The following NRG1 variants were observed in gnomAD, a reference collection of about 807,000 sequenced individuals.
NRG1 encodes the protein pro-neuregulin-1, membrane-bound isoform.
Under a neutral mutation model 63.8 loss-of-function variants are expected in NRG1, and 18 were observed. The ratio of observed to expected loss-of-function variants is 0.28; its 90% confidence interval spans 0.19 to 0.42. The LOEUF is 0.42. NRG1 is among the 10% of genes least tolerant of loss of function. The pLI, the probability that NRG1 is intolerant of heterozygous loss-of-function variation, is 1.00. For synonymous variants in NRG1, 302 were observed against 301.3 expected (o/e 1.00, Z -0.02); for missense variants, 762 against 814.7 (o/e 0.94, Z 0.79).
intron 1 of NRG1, among the ~76,000 whole-genome samples, chr8:31,894,840 G>A (rs1450847910): frequency 1.3e-5 from 2 of 151,962 alleles, no homozygotes; most frequent in Non-Finnish European, 2.9e-5. Context: ...GTGAGCCACC[G>A]CACCCGGCCC....
At chr8:31,833,251 A>G (rs534094149) in intron 1 of NRG1, among the ~76,000 whole-genome samples, 1 of 152,344 alleles carries the variant, frequency 6.6e-6, no homozygotes, top group East Asian at 1.9e-4. Context: ...CACAAAGGCT[A>G]TGTTGATGTC....
At chr8:32,736,737 A>G (rs1825164612) in intron 6 of NRG1, among the ~76,000 whole-genome samples, 2 of 152,066 alleles carry the variant, frequency 1.3e-5, no homozygotes, top group South Asian at 4.2e-4. Flanking sequence ...GTTCCTGATC[A>G]AGGGAGGGTT....
At chr8:31,704,312 CCTTT>C (rs980174940) in intron 1 of NRG1, among the ~76,000 whole-genome samples, 15 of 152,050 alleles carry the variant, frequency 9.9e-5, no homozygotes, top group African/African-American at 3.4e-4. Flanking sequence ...ACAATGAAAT[CCTTT>C]CTTGAAAATT....
chr8:32,008,010 A>G (rs1814067899), intron 1 of NRG1, among the ~76,000 whole-genome samples: 1 of 152,122 alleles, frequency 6.6e-6, no homozygotes, highest in African/African-American at 2.4e-5. Flanking sequence ...AAGCTTAAAA[A>G]GGCTCAGGGA....
chr8:31,742,455 A>ATTTTTTTTTTTT (rs36040084), intron 1 of NRG1, among the ~76,000 whole-genome samples: 2,896 of 79,804 alleles, frequency 0.036, 273 homozygotes, highest in Non-Finnish European at 0.043. Flanking sequence ...TTTTTTAAGA[A>ATTTTTTTTTTTT]TTTTTTTTTT....
rs566487416 is a variant in NRG1, at chr8:32,493,714, A to T, written c.38-102114A>T. On this transcript the variant is annotated intron_variant, in intron 1 of 10. Coordinates refer to the NRG1 transcript ENST00000519301. The stretch of plus-strand genomic sequence containing the variant: ...ATCTTTATTCTCTACCAGAAGAAAA[A>T]TTTTAAATAAATGCAAATACGCCAG... 1.6e-4 allele frequency among the ~76,000 whole-genome samples: 24 copies of T among 152,334 alleles called. No homozygotes were observed. In the South Asian group the frequency reaches 2.1e-3, roughly 13 times the overall value.
intron 1 of NRG1, among the ~76,000 whole-genome samples, chr8:31,658,523 T>G (rs1362239236): frequency 2.0e-5 from 3 of 152,112 alleles, no homozygotes; most frequent in African/African-American, 7.2e-5. Context: ...AGTGCAGTGG[T>G]GCAATCATGG....
intron 1 of NRG1, among the ~76,000 whole-genome samples, chr8:31,828,757 A>C (rs1824825381): frequency 6.6e-6 from 1 of 152,218 alleles, no homozygotes; most frequent in African/African-American, 2.4e-5. Flanking sequence ...CTAGTTTCTT[A>C]GAATAAAGCC....
chr8:32,238,173 T>C (rs1350391711), intron 1 of NRG1, among the ~76,000 whole-genome samples: 1 of 151,962 alleles, frequency 6.6e-6, no homozygotes, highest in African/African-American at 2.4e-5. Flanking sequence ...AAAAATCCTT[T>C]AGGAGGGGGC....
chr8:32,371,151 G>T (rs1436064527), intron 1 of NRG1, among the ~76,000 whole-genome samples: 1 of 152,164 alleles, frequency 6.6e-6, no homozygotes, highest in African/African-American at 2.4e-5. Context: ...GGCAGAATTT[G>T]CAGCGAGCCG....
rs5890598 is a variant in NRG1 at position 31,800,837 on chromosome 8, C to CTTTT, written c.37+161424_37+161427dup. ...GATTTAGATTTCTCCAGTCTCCTTT[C>CTTTT]TTTTTTTTTTTTTTTTTTTTTGAGA... On this transcript the variant is annotated intron_variant, in intron 1 of 10. Coordinates refer to the NRG1 transcript ENST00000519301. Among the ~76,000 whole-genome samples, 330 of 105,018 alleles carry CTTTT rather than the reference C, an allele frequency of 3.1e-3. 1 individual carries two copies. The highest frequency in any genetic ancestry group is 5.4e-3 in the Middle Eastern group (1 of 184). The allele number at this position is 105,018 out of a possible 152,430, so 68.9% of individuals were successfully genotyped here. A position where few individuals can be genotyped will look rare whatever the true frequency, so the allele number is the denominator to read the frequency against.
chr8:31,987,307 A>AC, intron 1 of NRG1, among the ~76,000 whole-genome samples: 1 of 132,086 alleles, frequency 7.6e-6, no homozygotes, highest in South Asian at 2.4e-4. Flanking sequence ...AAAAAAAAAA[A>AC]AAAAACATAT....
chr8:32,703,255 A>G (rs1394643403), intron 5 of NRG1, among the ~76,000 whole-genome samples: 2 of 152,284 alleles, frequency 1.3e-5, no homozygotes, highest in East Asian at 1.9e-4. Context: ...CTGAATACCA[A>G]CAACATAAGT....
intron 1 of NRG1, among the ~76,000 whole-genome samples, chr8:31,919,494 G>T (rs1833717025): frequency 6.6e-6 from 1 of 151,246 alleles, no homozygotes; most frequent in Admixed American, 6.6e-5. Context: ...CAGAGGTTTA[G>T]GTATTTTATA....
At chr8:32,457,810 A>G (rs1372886293) in intron 1 of NRG1, among the ~76,000 whole-genome samples, 1 of 152,174 alleles carries the variant, frequency 6.6e-6, no homozygotes, top group African/African-American at 2.4e-5. Flanking sequence ...TGGAGTTTCT[A>G]GTTAGTGCAT....
Position 32,589,021 on chromosome 8 carries a change from G to A in NRG1, c.101-6807G>A, listed in dbSNP as rs185184769. Among the ~76,000 whole-genome samples, 10 of 152,270 alleles carry A rather than the reference G, an allele frequency of 6.6e-5. No homozygotes were observed. The East Asian group carries it at 1.2e-3, about 18-fold the overall frequency. On this transcript the variant is annotated intron_variant, in intron 1 of 11. Transcript: ENST00000356819. ...GCAACAAATAATGATCTTGTTGGGC[G>A]ATTCGGGATATAACCCAACATCACC...
chr8:31,959,482 T>G (rs1266695013), intron 1 of NRG1, among the ~76,000 whole-genome samples: 1 of 152,156 alleles, frequency 6.6e-6, no homozygotes, highest in Admixed American at 6.5e-5. Context: ...AATACCAATT[T>G]GTCATCATCA....
At chr8:32,195,041 A>C (rs916513515) in intron 1 of NRG1, among the ~76,000 whole-genome samples, 4 of 152,110 alleles carry the variant, frequency 2.6e-5, no homozygotes, top group African/African-American at 9.7e-5. Flanking sequence ...CTTCATCAAC[A>C]CCATTTACTG....
intron 1 of NRG1, among the ~76,000 whole-genome samples, chr8:32,558,395 C>T (rs180993260): frequency 7.8e-4 from 119 of 152,276 alleles, no homozygotes; most frequent in African/African-American, 2.5e-3. Context: ...GTTTCAGTGC[C>T]TTCGTTTACT....
Sources: allele counts gnomAD v4.1 joint callset (sites outside exome capture counted in the v4.1 genomes callset), GRCh38; gene constraint gnomAD v4.1.1; transcripts MANE v1.5; gene names NCBI Gene and HGNC (gene_info 2026-07-23, HGNC 2026-07-21).